Variants in LRRTM3 observed in about 807,000 individuals in gnomAD.
LRRTM3 encodes leucine rich repeat transmembrane neuronal 3, also known as leucine-rich repeat transmembrane neuronal protein 3.
In LRRTM3, 24 loss-of-function variants were observed where a neutral mutation model predicts 44.7. The observed-to-expected ratio is 0.54, with a 90% confidence interval of 0.39 to 0.76. The LOEUF is 0.76. Ranked by LOEUF, LRRTM3 falls within the 30% of genes least tolerant of loss-of-function variation. The pLI is 0.00. For synonymous variants in LRRTM3, 277 were observed against 278.7 expected (o/e 0.99, Z 0.06); for missense variants, 587 against 702.2 (o/e 0.84, Z 1.85).
chr10:66,980,990 T>C (rs1850402169), intron 2 of LRRTM3, among the ~76,000 whole-genome samples: 1 of 152,140 alleles, frequency 6.6e-6, no homozygotes, highest in Non-Finnish European at 1.5e-5. Context: ...CACCCCAACC[T>C]CCACCTCCCG....
chr10:66,981,060 C>A (rs1374896937), intron 2 of LRRTM3, among the ~76,000 whole-genome samples: 1 of 152,124 alleles, frequency 6.6e-6, no homozygotes, highest in Non-Finnish European at 1.5e-5. Flanking sequence ...CATGCTCCAC[C>A]ATGCCTGGCT....
chr10:66,947,418 G>A (rs1386534452), intron 2 of LRRTM3, among the ~76,000 whole-genome samples: 2 of 152,022 alleles, frequency 1.3e-5, no homozygotes, highest in African/African-American at 2.4e-5. Flanking sequence ...TTTTCTTTAT[G>A]AGGGTCCATG....
intron 2 of LRRTM3, among the ~76,000 whole-genome samples, chr10:66,940,179 G>C (rs1307782451): frequency 6.6e-6 from 1 of 152,040 alleles, no homozygotes; most frequent in African/African-American, 2.4e-5. Context: ...TCTGAAATTT[G>C]CATTAATCTA....
intron 2 of LRRTM3, among the ~76,000 whole-genome samples, chr10:67,058,760 G>A (rs527907428): frequency 6.6e-6 from 1 of 152,256 alleles, no homozygotes; most frequent in South Asian, 2.1e-4. Flanking sequence ...AAGGAATCGT[G>A]ACTAGACTTG....
intron 2 of LRRTM3, among the ~76,000 whole-genome samples, chr10:67,046,846 G>A (rs539108269): frequency 6.6e-6 from 1 of 152,258 alleles, no homozygotes; most frequent in South Asian, 2.1e-4. Flanking sequence ...GACTTTTTGG[G>A]TGAGTAGATA....
At chr10:67,058,387 C>A (rs976066392) in intron 2 of LRRTM3, among the ~76,000 whole-genome samples, 1 of 152,052 alleles carries the variant, frequency 6.6e-6, no homozygotes, top group African/African-American at 2.4e-5. Context: ...AATTCTTATT[C>A]TTTTTTAAAG....
intron 2 of LRRTM3, among the ~76,000 whole-genome samples, chr10:66,943,492 C>T (rs974833866): frequency 2.0e-4 from 29 of 144,500 alleles, no homozygotes; most frequent in African/African-American, 7.0e-4. Context: ...CTATCTACAT[C>T]CTGATCCCAA....
intron 2 of LRRTM3, among the ~76,000 whole-genome samples, chr10:67,066,963 C>A (rs946009267): frequency 6.6e-6 from 1 of 152,058 alleles, no homozygotes; most frequent in African/African-American, 2.4e-5. Context: ...AAAGTGAATC[C>A]TGTCTCTTAA....
chr10:67,042,569 A>C (rs2133151357), intron 2 of LRRTM3, among the ~76,000 whole-genome samples: 1 of 152,160 alleles, frequency 6.6e-6, no homozygotes, highest in African/African-American at 2.4e-5. Flanking sequence ...ATAAGGTAAG[A>C]AAAGGGCTTG....
rs1224289038 is a variant in LRRTM3, at chr10:66,984,896, C to T, written c.1536+56444C>T. Among the ~76,000 whole-genome samples the T allele has an allele frequency of 3.3e-5, 5 of 151,384 alleles. No individual in the cohort carries two copies. The East Asian group carries it at 9.7e-4, about 29-fold the overall frequency. On this transcript the variant is annotated intron_variant, in intron 2 of 2. Coordinates refer to ENST00000361320, the MANE Select transcript of LRRTM3 (RefSeq NM_178011.5). ...ACACATTTTTTGCTCTGTTTTGGTG[C>T]TTTTTTTTTGTTTAAGTACAATAAG...
chr10:67,044,116 G>A (rs1320652225), intron 2 of LRRTM3, among the ~76,000 whole-genome samples: 1 of 151,588 alleles, frequency 6.6e-6, no homozygotes, highest in South Asian at 2.1e-4. Flanking sequence ...CCAACTAGTC[G>A]CCAGTGTCTA....
At chr10:66,980,194 C>G (rs942779) in intron 2 of LRRTM3, among the ~76,000 whole-genome samples, 69,987 of 152,038 alleles carry the variant, frequency 0.46, 17,504 homozygotes, top group East Asian at 0.62. Flanking sequence ...AACTGACCTA[C>G]GGCAGTCAAT....
At chr10:66,951,780 G>T (rs887472672) in intron 2 of LRRTM3, among the ~76,000 whole-genome samples, 1 of 152,106 alleles carries the variant, frequency 6.6e-6, no homozygotes, top group Non-Finnish European at 1.5e-5. Context: ...ATACTACACT[G>T]GGAAGGGATC....
At chr10:66,997,460 C>T (rs1851419403) in intron 2 of LRRTM3, among the ~76,000 whole-genome samples, 2 of 152,192 alleles carry the variant, frequency 1.3e-5, no homozygotes, top group South Asian at 4.1e-4. Flanking sequence ...AAAACAATAA[C>T]ATTTCAAAGG....
At position 66,947,292 on chromosome 10, in the gene LRRTM3, A is replaced by T. The variant is rs550100260; in HGVS notation, c.1536+18840A>T. On this transcript the variant is annotated intron_variant, in intron 2 of 2. Coordinates refer to ENST00000361320, the MANE Select transcript of LRRTM3 (RefSeq NM_178011.5). ...GTATCTTGTACAGATGCATTTCTTG[A>T]GTTGTTCTGAGGTCCCACTATATTA... Among the ~76,000 whole-genome samples, 51 of 152,292 alleles carry T rather than the reference A, an allele frequency of 3.3e-4. 1 individual carries two copies. The highest frequency in any genetic ancestry group is 1.2e-3 in the African/African-American group (49 of 41,574).
At chr10:66,995,925 A>T (rs1377404811) in intron 2 of LRRTM3, among the ~76,000 whole-genome samples, 1 of 152,198 alleles carries the variant, frequency 6.6e-6, no homozygotes, top group Non-Finnish European at 1.5e-5. Context: ...TGCATTAGAC[A>T]TTGTATTCAG....
chr10:66,927,286 T>C lies in LRRTM3; in HGVS notation c.370T>C (p.Phe124Leu). ...TCTTAGTTCCAATAGAATCTCCTAT[T>C]TTCTTAACAATACCTTCAGACCTGT... Reference protein sequence around the residue: ...LILSSNRISYFLNNTFRPVTN... With the variant: ...LILSSNRISYLLNNTFRPVTN... The change falls in exon 2 of 3, where the codon TTT becomes CTT. Residue 124 changes from phenylalanine to leucine, a missense_variant. By Grantham distance (22) the Phe-to-Leu change is conservative (BLOSUM62 0). Transcript: ENST00000361320. The surrounding 1 kb of genome is among the most constrained non-coding windows in gnomAD (Gnocchi z 4.7). 1 of 1,614,178 alleles carries C rather than the reference T, an allele frequency of 6.2e-7. No homozygotes were observed. The highest frequency in any genetic ancestry group is 8.5e-7 in the Non-Finnish European group (1 of 1,180,042).
At chr10:66,992,118 T>C (rs1366264083) in intron 2 of LRRTM3, among the ~76,000 whole-genome samples, 2 of 152,232 alleles carry the variant, frequency 1.3e-5, no homozygotes, top group Non-Finnish European at 2.9e-5. Context: ...AAAGAACTAA[T>C]ATCAATTTAC....
intron 2 of LRRTM3, among the ~76,000 whole-genome samples, chr10:67,055,180 T>C (rs887607326): frequency 5.9e-5 from 9 of 152,302 alleles, no homozygotes; most frequent in East Asian, 1.9e-4. Context: ...ATAGGCTCTT[T>C]GCATCTCAAC....
Sources: allele counts gnomAD v4.1 joint callset (sites outside exome capture counted in the v4.1 genomes callset), GRCh38; gene constraint gnomAD v4.1.1; non-coding constraint Gnocchi (gnomAD v3.1); transcripts MANE v1.5; gene names NCBI Gene and HGNC (gene_info 2026-07-23, HGNC 2026-07-21).